FRMPD1: variants seen among roughly 807,000 people sequenced by gnomAD.
FRMPD1 encodes the protein FERM and PDZ domain containing 1.
Under a neutral mutation model 117.8 loss-of-function variants are expected in FRMPD1, and 76 were observed. That is an observed-to-expected ratio of 0.65 (90% CI 0.54 to 0.78). The LOEUF (loss-of-function observed/expected upper bound fraction) is 0.78, where lower values mean the gene tolerates loss of function less well. FRMPD1 is among the 30% of genes least tolerant of loss of function. The probability of loss-of-function intolerance (pLI) is 0.00; values close to 1 mark genes in which losing one functional copy is unlikely to be tolerated. For missense variants in FRMPD1, 1,786 were observed against 1,964.5 expected, an observed-to-expected ratio of 0.91 and a Z score of 1.72; for synonymous variants, 783 against 770.4, an observed-to-expected ratio of 1.02 and a Z score of -0.27.
the FRMPD1 span, among the ~76,000 whole-genome samples, chr9:37,635,439 T>C: frequency 6.6e-6 from 1 of 152,224 alleles, no homozygotes; most frequent in African/African-American, 2.4e-5. Context: ...TCTTTTTTTT[T>C]GTTTTCCTTG....
At chr9:37,705,827 A>G (rs1250645228) in intron 2 of FRMPD1, among the ~76,000 whole-genome samples, 2 of 151,888 alleles carry the variant, frequency 1.3e-5, no homozygotes, top group Admixed American at 1.3e-4. Flanking sequence ...AATACAAAAA[A>G]TTAACCGGGT....
the FRMPD1 span, among the ~76,000 whole-genome samples, chr9:37,612,655 A>G: frequency 6.6e-6 from 1 of 151,222 alleles, no homozygotes; most frequent in East Asian, 1.9e-4. Flanking sequence ...AGTAGCTGGG[A>G]TAATTTTTGT....
the FRMPD1 span, among the ~76,000 whole-genome samples, chr9:37,637,963 G>GCTTGCTTGCTTGCTTGCTTT: frequency 3.0e-5 from 3 of 100,030 alleles, 1 homozygote; most frequent in Non-Finnish European, 6.1e-5. Flanking sequence ...AATGGTGTAT[G>GCTTGCTTGCTTGCTTGCTTT]CTTTCTTTCT....
chr9:37,741,489 A>T, intron 15 of FRMPD1, among the ~76,000 whole-genome samples: 1 of 148,790 alleles, frequency 6.7e-6, no homozygotes, highest in East Asian at 1.9e-4. Context: ...ACACACACAC[A>T]CACTGCATTC....
intron 4 of FRMPD1, among the ~76,000 whole-genome samples, chr9:37,710,565 CT>C (rs890188981): frequency 2.0e-5 from 3 of 152,166 alleles, no homozygotes; most frequent in African/African-American, 7.2e-5. Flanking sequence ...TGGCTTTTAT[CT>C]GATAAACGTT....
chr9:37,746,072 C>T lies in FRMPD1; in HGVS notation c.4040C>T (p.Pro1347Leu), dbSNP rs150024267. The T allele has an allele frequency of 3.5e-5, 56 of 1,614,048 alleles. No individual in the cohort carries two copies. The Middle Eastern group carries it at 4.9e-4, about 14-fold the overall frequency. Residue 1347 changes from proline to leucine, a missense_variant, in exon 16 of 16, where the codon CCG becomes CTG. Pro to Leu is a moderately conservative substitution (Grantham distance 98). Coordinates refer to ENST00000377765, the MANE Select transcript of FRMPD1 (RefSeq NM_014907.3). ...TCCTATGCCACATGCTTCCGTGGCC[C>T]GCAGCCTGAGACAGAGGAAGAAGAC... ...QFSYATCFRG[P>L]QPETEEEDRD... is the part of the protein sequence containing the mutation.
intron 1 of FRMPD1, among the ~76,000 whole-genome samples, chr9:37,686,277 C>T (rs1821939122): frequency 6.6e-6 from 1 of 152,080 alleles, no homozygotes; most frequent in Admixed American, 6.6e-5. Flanking sequence ...GTAGGAGTGG[C>T]CAGAGGGCAG....
At chr9:37,720,545 T>C (rs945827172) in intron 6 of FRMPD1, among the ~76,000 whole-genome samples, 1 of 152,152 alleles carries the variant, frequency 6.6e-6, no homozygotes, top group African/African-American at 2.4e-5. Context: ...GGCACCTGTA[T>C]GTAGTCCCAG....
At chr9:37,632,575 C>T in the FRMPD1 span, among the ~76,000 whole-genome samples, 2 of 152,168 alleles carry the variant, frequency 1.3e-5, no homozygotes, top group Non-Finnish European at 2.9e-5. Flanking sequence ...TGGTAAAGGT[C>T]ATCACTGGCA....
Position 37,675,596 on chromosome 9 carries a change from G to A in FRMPD1, c.-4-17042G>A, listed in dbSNP as rs774580206. 6.0e-4 allele frequency among the ~76,000 whole-genome samples: 91 copies of A among 152,092 alleles called. 1 individual carries two copies. The highest frequency in any genetic ancestry group is 1.6e-4 in the Non-Finnish European group (11 of 68,012). On this transcript the variant is annotated intron_variant, in intron 1 of 15. Coordinates refer to ENST00000377765, the MANE Select transcript of FRMPD1 (RefSeq NM_014907.3). ...AGGTGGATGCCTGGGTTCTGGGCTT[G>A]GGAAGTGGGGAGAGTAGGGTGTTTA...
chr9:37,646,261 C>T (rs1275955721), upstream of FRMPD1, among the ~76,000 whole-genome samples: 2 of 152,230 alleles, frequency 1.3e-5, no homozygotes, highest in African/African-American at 4.8e-5. Flanking sequence ...ACCGTTTCAT[C>T]CCCTATCCAA....
intron 14 of FRMPD1, among the ~76,000 whole-genome samples, chr9:37,737,810 C>T (rs185744790): frequency 3.2e-3 from 422 of 130,776 alleles, no homozygotes; most frequent in Non-Finnish European, 4.9e-3. Flanking sequence ...GCAACAAGAG[C>T]GAAACTCCAT....
intron 1 of FRMPD1, among the ~76,000 whole-genome samples, chr9:37,681,785 G>C (rs1032026815): frequency 1.3e-5 from 2 of 152,172 alleles, no homozygotes; most frequent in Non-Finnish European, 2.9e-5. Flanking sequence ...ATTCTGCTAG[G>C]CTCTGCAAGG....
At position 37,662,583 on chromosome 9, in the gene FRMPD1, G is replaced by A. The variant is rs1156274635; in HGVS notation, c.-5+11489G>A. ...GACTAGCCACTTGATCAATGTATGG[G>A]CCCACTGCCCTCAGGGAGGAGCTAT... On this transcript the variant is annotated intron_variant, in intron 1 of 15. Transcript: ENST00000377765. 2.0e-5 allele frequency among the ~76,000 whole-genome samples: 3 copies of A among 152,162 alleles called. No individual in the cohort carries two copies. In the East Asian group the frequency reaches 5.8e-4, roughly 29 times the overall value.
chr9:37,622,161 C>T, the FRMPD1 span, among the ~76,000 whole-genome samples: 1 of 152,164 alleles, frequency 6.6e-6, no homozygotes, highest in Non-Finnish European at 1.5e-5. Flanking sequence ...AAGGAGCTCC[C>T]CAGCTGTCTG....
the FRMPD1 span, among the ~76,000 whole-genome samples, chr9:37,629,153 T>A: frequency 1.3e-5 from 2 of 152,052 alleles, no homozygotes; most frequent in Non-Finnish European, 2.9e-5. Flanking sequence ...GAGCCGAGGT[T>A]GTGCCATTGC....
chr9:37,695,962 A>G lies in FRMPD1; in HGVS notation c.101+3220A>G, dbSNP rs574206097. 3.3e-5 allele frequency among the ~76,000 whole-genome samples: 5 copies of G among 150,812 alleles called. No homozygotes were observed. The East Asian group carries it at 9.7e-4, about 29-fold the overall frequency. On this transcript the variant is annotated intron_variant, in intron 2 of 15. Transcript: ENST00000377765. ...CTCACCTACCATTTTGCCATGACCT[A>G]CAAGTCTCTTCACAATCTCTCACCA...
At chr9:37,611,002 T>C in the FRMPD1 span, among the ~76,000 whole-genome samples, 1 of 152,236 alleles carries the variant, frequency 6.6e-6, no homozygotes, top group Admixed American at 6.5e-5. Context: ...TTGTTTCCAG[T>C]CTTTTTCTGT....
At chr9:37,735,500 G>A (rs1824076611) in intron 12 of FRMPD1, 52 bp from the exon 13 acceptor site, 1 of 1,346,598 alleles carries the variant, frequency 7.4e-7, no homozygotes, top group Non-Finnish European at 1.1e-6. Flanking sequence ...CATGTGAAAT[G>A]TATTTTCACT....
Sources: gnomAD v4.1 joint callset for allele counts (sites outside exome capture counted in the v4.1 genomes callset) on GRCh38, gnomAD v4.1.1 for gene constraint, MANE v1.5 for transcripts, NCBI Gene and HGNC (gene_info 2026-07-23, HGNC 2026-07-21) for gene names.